The following SORCS3 variants were observed in gnomAD, a reference collection of about 807,000 sequenced individuals.
The protein encoded by SORCS3 is VPS10 domain-containing receptor SorCS3.
SORCS3 carries 57 observed loss-of-function variants against 146.3 expected under a neutral mutation model. The observed-to-expected ratio is 0.39, with a 90% confidence interval of 0.31 to 0.49. The LOEUF (loss-of-function observed/expected upper bound fraction) is 0.49. Among genes scored for constraint, SORCS3 ranks in the 20% least tolerant of loss-of-function variants. The probability of loss-of-function intolerance (pLI) is 0.92; values close to 1 mark genes in which losing one functional copy is unlikely to be tolerated. For synonymous variants in SORCS3, 653 were observed against 618.5 expected (o/e 1.06, Z -0.83); for missense variants, 1,341 against 1,575.5 (o/e 0.85, Z 2.52).
At chr10:104,867,486 T>C (rs1208912771) in intron 2 of SORCS3, among the ~76,000 whole-genome samples, 1 of 152,038 alleles carries the variant, frequency 6.6e-6, no homozygotes, top group African/African-American at 2.4e-5. Context: ...ATTTTTTGTA[T>C]TTTTAGTAGA....
chr10:105,038,673 G>A (rs1015418350), intron 4 of SORCS3, among the ~76,000 whole-genome samples: 1 of 151,970 alleles, frequency 6.6e-6, no homozygotes, highest in African/African-American at 2.4e-5. Flanking sequence ...CAATTCAGAG[G>A]CGACCACTGC....
At chr10:104,839,864 G>A (rs143356214) in intron 1 of SORCS3, among the ~76,000 whole-genome samples, 324 of 152,296 alleles carry the variant, frequency 2.1e-3, no homozygotes, top group Non-Finnish European at 3.8e-3. Flanking sequence ...GGCTAAGATG[G>A]ACATCTGACC....
intron 1 of SORCS3, among the ~76,000 whole-genome samples, chr10:104,749,962 A>G (rs1688019335): frequency 6.6e-6 from 1 of 152,236 alleles, no homozygotes; most frequent in African/African-American, 2.4e-5. Context: ...AAACCAACAA[A>G]TGATAAAAAT....
intron 3 of SORCS3, among the ~76,000 whole-genome samples, chr10:104,937,573 C>G (rs1272411977): frequency 2.0e-5 from 3 of 151,284 alleles, no homozygotes; most frequent in Non-Finnish European, 4.4e-5. Flanking sequence ...CGAGGCAAAA[C>G]AACATTAAAT....
At chr10:104,745,119 C>A (rs905038718) in intron 1 of SORCS3, among the ~76,000 whole-genome samples, 1 of 152,220 alleles carries the variant, frequency 6.6e-6, no homozygotes, top group African/African-American at 2.4e-5. Flanking sequence ...GCATGGTGAA[C>A]GTGGCTACAA....
chr10:104,975,635 G>A (rs2054891733), intron 3 of SORCS3, among the ~76,000 whole-genome samples: 1 of 152,170 alleles, frequency 6.6e-6, no homozygotes, highest in Admixed American at 6.6e-5. Context: ...AAAGCTGGAG[G>A]CATCACGTTA....
intron 1 of SORCS3, among the ~76,000 whole-genome samples, chr10:104,823,875 G>A (rs1424109929): frequency 6.6e-6 from 1 of 152,166 alleles, no homozygotes; most frequent in Non-Finnish European, 1.5e-5. Context: ...TGGGTACAAT[G>A]TAATCATGAG....
At chr10:105,056,378 C>T (rs2055445947) in intron 5 of SORCS3, among the ~76,000 whole-genome samples, 1 of 152,062 alleles carries the variant, frequency 6.6e-6, no homozygotes, top group African/African-American at 2.4e-5. Context: ...ATATTTTGCC[C>T]CTCACTCCCA....
chr10:104,860,544 A>T (rs1045451474), intron 2 of SORCS3, among the ~76,000 whole-genome samples: 4 of 151,744 alleles, frequency 2.6e-5, no homozygotes, highest in Non-Finnish European at 4.4e-5. Flanking sequence ...CATTGTACAC[A>T]TATACCCTAA....
chr10:104,960,687 T>G (rs928279901), intron 3 of SORCS3, among the ~76,000 whole-genome samples: 1 of 152,138 alleles, frequency 6.6e-6, no homozygotes, highest in Non-Finnish European at 1.5e-5. Flanking sequence ...GCTCCACGTC[T>G]CAAAACTGCC....
intron 20 of SORCS3, among the ~76,000 whole-genome samples, chr10:105,238,677 G>GGCAGCAT (rs1473147044): frequency 6.6e-6 from 1 of 152,154 alleles, no homozygotes; most frequent in Non-Finnish European, 1.5e-5. Flanking sequence ...TCTGATTTAG[G>GGCAGCAT]GCAGCATGAT....
intron 2 of SORCS3, among the ~76,000 whole-genome samples, chr10:104,843,861 A>G (rs1311635203): frequency 1.3e-5 from 2 of 152,134 alleles, no homozygotes. Context: ...GTTTTCTCCC[A>G]TTTACCTTGT....
Position 105,164,288 on chromosome 10 carries a change from C to G in SORCS3, c.1733-15C>G. On this transcript the variant is annotated splice_polypyrimidine_tract_variant and intron_variant, in intron 11 of 26. Coordinates refer to ENST00000369701, the MANE Select transcript of SORCS3 (RefSeq NM_014978.3). The stretch of plus-strand genomic sequence containing the variant: ...TAAACTCCTGACAATCTCAAATGAT[C>G]TGCTTATGTTTCAGGCAACATTGGC... The G allele has an allele frequency of 1.9e-6, 3 of 1,606,002 alleles. No homozygotes were observed. The highest frequency in any genetic ancestry group is 2.6e-6 in the Non-Finnish European group (3 of 1,172,814).
In SORCS3 at chr10:104,954,035, G is replaced by A. The variant is rs145360658; in HGVS notation, c.796-23300G>A. On this transcript the variant is annotated intron_variant, in intron 3 of 26. Transcript: ENST00000369701. ...TGGGGGACTCTTGGTCACATGGGAAGTTCAAGGTTGTCCTAAAAAGTTTCA... is the reference window on the plus strand; with the variant it reads ...TGGGGGACTCTTGGTCACATGGGAAATTCAAGGTTGTCCTAAAAAGTTTCA... Among the ~76,000 whole-genome samples, 1,063 of 152,248 alleles carry A rather than the reference G, an allele frequency of 7.0e-3. 19 individuals carry two copies. The highest frequency in any genetic ancestry group is 0.024 in the African/African-American group (993 of 41,536).
chr10:104,689,721 C>A (rs1416459131), intron 1 of SORCS3, among the ~76,000 whole-genome samples: 2 of 152,148 alleles, frequency 1.3e-5, no homozygotes, highest in Non-Finnish European at 2.9e-5. Flanking sequence ...GGGCAGGTGG[C>A]TTATCAGCTG....
chr10:105,120,789 G>A (rs1285861382), intron 7 of SORCS3, among the ~76,000 whole-genome samples: 2 of 152,156 alleles, frequency 1.3e-5, no homozygotes, highest in East Asian at 3.8e-4. Flanking sequence ...GTCTAGCACA[G>A]GAGTATTAAA....
chr10:104,740,088 T>A (rs1385129538), intron 1 of SORCS3, among the ~76,000 whole-genome samples: 1 of 152,242 alleles, frequency 6.6e-6, no homozygotes, highest in Non-Finnish European at 1.5e-5. Context: ...CTTGGCATGA[T>A]TAAAACATGC....
At chr10:104,760,450 A>G (rs1202146712) in intron 1 of SORCS3, among the ~76,000 whole-genome samples, 2 of 152,190 alleles carry the variant, frequency 1.3e-5, no homozygotes, top group Non-Finnish European at 2.9e-5. Context: ...AACAAACACA[A>G]TTCAGAGACA....
intron 1 of SORCS3, among the ~76,000 whole-genome samples, chr10:104,778,046 C>A (rs191094254): frequency 3.7e-4 from 57 of 152,174 alleles, no homozygotes; most frequent in Non-Finnish European, 3.2e-4. Flanking sequence ...TAAGATCTAG[C>A]ATTTGTACAA....
Sources: allele counts gnomAD v4.1 joint callset (sites outside exome capture counted in the v4.1 genomes callset), GRCh38; gene constraint gnomAD v4.1.1; transcripts MANE v1.5; gene names NCBI Gene and HGNC (gene_info 2026-07-23, HGNC 2026-07-21).